Variants in AMBN observed in about 807,000 individuals in gnomAD.
AMBN encodes ameloblastin, also known as enamel matrix protein.
In AMBN, 54 loss-of-function variants were observed where a neutral mutation model predicts 48.0. The ratio of observed to expected loss-of-function variants is 1.12; its 90% CI spans 0.90 to 1.41. The LOEUF (loss-of-function observed/expected upper bound fraction) is 1.41. AMBN is among the 40% of genes most tolerant of loss of function. The pLI is 0.00. For synonymous variants in AMBN, 186 were observed against 190.0 expected (o/e 0.98, Z 0.17); for missense variants, 571 against 547.3 (o/e 1.04, Z -0.43).
rs2109803113 is a variant in AMBN at position 70,601,445 on chromosome 4, C to T, written c.322C>T (p.Pro108Ser). Reference protein sequence around the residue: ...QYEYSLPVHPPPLPSQPSLKP... With the variant: ...QYEYSLPVHPSPLPSQPSLKP... ...TGAATATTCTTTGCCTGTGCATCCC[C>T]CACCTCTCCCATCACAGCCATCCTT... Residue 108 changes from proline to serine, a missense_variant, in exon 6 of 13, where the codon CCA (proline) becomes TCA (serine). By Grantham distance (74) the Pro-to-Ser change is moderately conservative (BLOSUM62 -1). Coordinates refer to ENST00000322937, the MANE Select transcript of AMBN (RefSeq NM_016519.6). 6.2e-7 allele frequency: 1 copy of T among 1,614,156 alleles called. No homozygotes were observed. Among genetic ancestry groups the T allele is most frequent in the Non-Finnish European group, 8.5e-7 (1 of 1,179,986 alleles).
In AMBN at chr4:70,596,768, A is replaced by G. The variant is rs541206640; in HGVS notation, c.85-231A>G. 6.6e-5 allele frequency among the ~76,000 whole-genome samples: 10 copies of G among 152,342 alleles called. No individual in the cohort carries two copies. The East Asian group carries it at 1.9e-3, about 29-fold the overall frequency. Reference sequence around the variant, plus strand: ...AAAGCAATGAAGCATTAAGATGCAGACAAAGGATAGATGATGCAGGTGGGA... The same window carrying G: ...AAAGCAATGAAGCATTAAGATGCAGGCAAAGGATAGATGATGCAGGTGGGA... On this transcript the variant is annotated intron_variant, in intron 2 of 12. Coordinates refer to ENST00000322937, the MANE Select transcript of AMBN (RefSeq NM_016519.6).
At chr4:70,603,144 TTAAA>T (rs1737563993) in intron 9 of AMBN, 112 bp from the exon 10 acceptor site, 1 of 1,343,050 alleles carries the variant, frequency 7.4e-7, no homozygotes, top group African/African-American at 1.5e-5. Flanking sequence ...CTCTTAAATA[TTAAA>T]TACTTATTTT....
chr4:70,603,035 C>A (rs1298597181), intron 9 of AMBN, 25 bp downstream of exon 9: 1 of 1,586,578 alleles, frequency 6.3e-7, no homozygotes, highest in Admixed American at 1.9e-5. Flanking sequence ...CAATGAGACA[C>A]TGTCTTGCAA....
chr4:70,606,843 C>A lies in AMBN; in HGVS notation c.*113C>A. The A allele has an allele frequency of 2.5e-6, 3 of 1,188,502 alleles. No individual in the cohort carries two copies. The highest frequency in any genetic ancestry group is 3.5e-6 in the Non-Finnish European group (3 of 859,240). The allele number at this position is 1,188,502 out of a possible 1,614,324, so 73.6% of individuals were successfully genotyped here. A position where few individuals can be genotyped will look rare whatever the true frequency, so the allele number is the denominator to read the frequency against. ...CCTTCTGCAGCAAAGGCATTAAAAG[C>A]GCTAAGCATATATTAATAAATGCAA... On this transcript the variant is annotated 3_prime_UTR_variant, in exon 13 of 13. Coordinates refer to ENST00000322937, the MANE Select transcript of AMBN (RefSeq NM_016519.6).
chr4:70,606,813 A>G lies in AMBN; in HGVS notation c.*83A>G, dbSNP rs533617285. On this transcript the variant is annotated 3_prime_UTR_variant, in exon 13 of 13. Coordinates refer to ENST00000322937, the MANE Select transcript of AMBN (RefSeq NM_016519.6). ...AGTGTACCTTTTTGCTAAAACACTT[A>G]TTACCCTTCTGCAGCAAAGGCATTA... 2.2e-5 allele frequency: 32 copies of G among 1,441,718 alleles called. No homozygotes were observed. The highest frequency in any genetic ancestry group is 1.7e-4 in the South Asian group (12 of 72,574). 89.3% of individuals were successfully genotyped at this position (1,441,718 alleles called of 1,614,324 possible).
rs756094947 is a variant in AMBN at position 70,596,970 on chromosome 4, G to A, written c.85-29G>A. On this transcript the variant is annotated intron_variant, in intron 2 of 12. Transcript: ENST00000322937. ...ATTGAAGGAAGTTTTGTACCAATAAGACTCAAAATTATTCTTATTTTCATT... is the reference window on the plus strand; with the variant it reads ...ATTGAAGGAAGTTTTGTACCAATAAAACTCAAAATTATTCTTATTTTCATT... 7.5e-6 allele frequency: 12 copies of A among 1,607,998 alleles called. No individual in the cohort carries two copies. In the South Asian group the frequency reaches 8.8e-5, roughly 12 times the overall value.
At chr4:70,601,830 A>G (rs1452424959) in intron 6 of AMBN, 176 bp downstream of exon 6, 3 of 726,910 alleles carry the variant, frequency 4.1e-6, no homozygotes, top group Admixed American at 4.3e-5. Context: ...GTAAATATCC[A>G]TTCCTATCTT....
intron 1 of AMBN, among the ~76,000 whole-genome samples, chr4:70,592,846 G>A (rs149521103): frequency 9.9e-5 from 15 of 152,130 alleles, no homozygotes; most frequent in Non-Finnish European, 2.2e-4. Flanking sequence ...ACCTAAACAT[G>A]CAATGATGTA....
Position 70,606,742 on chromosome 4 carries a change from T to C in AMBN, c.*12T>C. The C allele has an allele frequency of 1.3e-6, 2 of 1,595,602 alleles. No individual in the cohort carries two copies. Among genetic ancestry groups the C allele is most frequent in the African/African-American group, 1.3e-5 (1 of 74,418 alleles). On this transcript the variant is annotated 3_prime_UTR_variant, in exon 13 of 13. Transcript: ENST00000322937. Reference sequence around the variant, plus strand: ...TCCAAGAGCCCTGACAGCTCTAAGATATTAGCTACTTTCTGTATGCACAAG... The same window carrying C: ...TCCAAGAGCCCTGACAGCTCTAAGACATTAGCTACTTTCTGTATGCACAAG...
intron 5 of AMBN, among the ~76,000 whole-genome samples, chr4:70,599,856 G>A (rs1282652731): frequency 6.6e-5 from 10 of 152,044 alleles, no homozygotes; most frequent in Non-Finnish European, 1.5e-5. Flanking sequence ...TTTAAAATAG[G>A]AAGATACAGC....
At chr4:70,597,987 C>A (rs1383188472) in intron 3 of AMBN, among the ~76,000 whole-genome samples, 1 of 151,988 alleles carries the variant, frequency 6.6e-6, no homozygotes, top group African/African-American at 2.4e-5. Flanking sequence ...CCTCTTCTGG[C>A]TGAACTTGTA....
chr4:70,593,170 T>C (rs188549233), intron 1 of AMBN, among the ~76,000 whole-genome samples, 157 bp from the exon 2 acceptor site: 1 of 152,354 alleles, frequency 6.6e-6, no homozygotes, highest in Non-Finnish European at 1.5e-5. Flanking sequence ...TACAAATCGG[T>C]TGTTTAGTAA....
intron 5 of AMBN, among the ~76,000 whole-genome samples, chr4:70,600,024 T>C (rs1420478977): frequency 2.6e-5 from 4 of 152,136 alleles, no homozygotes; most frequent in African/African-American, 9.7e-5. Flanking sequence ...TAAAATACCA[T>C]AGCCAGGTGC....
intron 4 of AMBN, among the ~76,000 whole-genome samples, chr4:70,598,981 G>A (rs1220547652): frequency 4.7e-5 from 7 of 149,422 alleles, no homozygotes; most frequent in African/African-American, 1.7e-4. Flanking sequence ...TTGCCATGTT[G>A]CTAGGCTGAT....
Position 70,606,487 on chromosome 4 carries a change from C to A in AMBN, c.1101C>A (p.Ser367Arg). Residue 367 changes from serine (S) to arginine (R), a missense_variant, in exon 13 of 13, where the codon AGC (serine) becomes AGA (arginine). By Grantham distance (110) the Ser-to-Arg change is moderately radical. Transcript: ENST00000322937. ...PKDDIPGLPR[S>R]PSGKMKGLPS... Reference sequence around the variant, plus strand: ...ATGACATTCCCGGCCTGCCAAGGAGCCCTTCAGGGAAGATGAAGGGACTCC... The same window carrying A: ...ATGACATTCCCGGCCTGCCAAGGAGACCTTCAGGGAAGATGAAGGGACTCC... 6.2e-7 allele frequency: 1 copy of A among 1,614,010 alleles called. No individual in the cohort carries two copies. The highest frequency in any genetic ancestry group is 8.5e-7 in the Non-Finnish European group (1 of 1,179,974).
At chr4:70,601,281 G>A (rs1737514210) in intron 5 of AMBN, 137 bp from the exon 6 acceptor site, 4 of 871,704 alleles carry the variant, frequency 4.6e-6, no homozygotes, top group Non-Finnish European at 5.4e-6. Flanking sequence ...TGCTTGCTAT[G>A]TAAACTCAAC....
At chr4:70,601,764 T>C in intron 6 of AMBN, 110 bp downstream of exon 6, 1 of 945,312 alleles carries the variant, frequency 1.1e-6, no homozygotes, top group East Asian at 2.4e-5. Flanking sequence ...TAATACGTGA[T>C]ATAAATATAT....
intron 10 of AMBN, 44 bp downstream of exon 10, chr4:70,603,363 A>G: frequency 6.2e-7 from 1 of 1,613,036 alleles, no homozygotes; most frequent in South Asian, 1.1e-5. Context: ...AATTTACTTA[A>G]AAGTTTTTCC....
chr4:70,592,561 CTT>C (rs915877580), intron 1 of AMBN, among the ~76,000 whole-genome samples, 188 bp downstream of exon 1: 59 of 143,754 alleles, frequency 4.1e-4, no homozygotes, highest in East Asian at 1.6e-3. Flanking sequence ...AAAAAAAAGA[CTT>C]TTATTTATAG....
Sources: gnomAD v4.1 joint callset for allele counts (sites outside exome capture counted in the v4.1 genomes callset) on GRCh38, gnomAD v4.1.1 for gene constraint, MANE v1.5 for transcripts, NCBI Gene and HGNC (gene_info 2026-07-23, HGNC 2026-07-21) for gene names.